Variants in FNDC3B observed in about 807,000 individuals in gnomAD.
FNDC3B encodes the protein fibronectin type III domain containing 3B, also known as fibronectin type III domain-containing protein 3B.
FNDC3B carries 12 observed loss-of-function variants against 151.5 expected under a neutral mutation model. That is an observed-to-expected ratio of 0.08 (90% CI 0.05 to 0.13). The LOEUF is 0.13. FNDC3B is among the 10% of genes least tolerant of loss of function. The pLI, the probability that FNDC3B is intolerant of heterozygous loss-of-function variation, is 1.00. For missense variants in FNDC3B, 1,214 were observed against 1,505.3 expected (o/e 0.81, Z 3.20); for synonymous variants, 528 against 549.0 (o/e 0.96, Z 0.54).
intron 1 of FNDC3B, chr3:172,046,960 C>T (rs547958544): frequency 6.6e-6 from 1 of 152,286 alleles, no homozygotes; most frequent in African/African-American, 2.4e-5. Flanking sequence ...AAGTTCAACT[C>T]TTTGCTACCT....
intron 1 of FNDC3B, among the ~76,000 whole-genome samples, chr3:172,105,485 G>A (rs77576158): frequency 0.018 from 2,791 of 152,044 alleles, 92 homozygotes; most frequent in African/African-American, 0.064. Flanking sequence ...TCCCAAATCC[G>A]TCTTTCTCCA....
At chr3:172,287,231 C>A (rs187127879) in intron 7 of FNDC3B, among the ~76,000 whole-genome samples, 2 of 152,242 alleles carry the variant, frequency 1.3e-5, no homozygotes, top group Admixed American at 6.5e-5. Context: ...GTGTCTTTCC[C>A]GGTCTGTGGT....
chr3:172,256,846 A>G (rs7637550), intron 6 of FNDC3B, among the ~76,000 whole-genome samples: 18,916 of 152,144 alleles, frequency 0.12, 1,233 homozygotes, highest in South Asian at 0.2. Flanking sequence ...AGTAGTCTCA[A>G]TAATATGTAT....
intron 4 of FNDC3B, among the ~76,000 whole-genome samples, chr3:172,233,465 A>G (rs189408225): frequency 5.4e-4 from 82 of 152,288 alleles, no homozygotes; most frequent in African/African-American, 1.9e-3. Context: ...TGAAAAATAT[A>G]TTTGAATTTT....
intron 22 of FNDC3B, among the ~76,000 whole-genome samples, chr3:172,359,827 G>C (rs1734281550): frequency 6.6e-6 from 1 of 152,100 alleles, no homozygotes; most frequent in South Asian, 2.1e-4. Context: ...CAGTGTAATA[G>C]AATCTGGGAA....
At chr3:172,386,904 A>C (rs1735743649) in intron 25 of FNDC3B, among the ~76,000 whole-genome samples, 1 of 152,132 alleles carries the variant, frequency 6.6e-6, no homozygotes, top group African/African-American at 2.4e-5. Flanking sequence ...ACATGGTATC[A>C]CAAAGAGTAC....
chr3:172,237,590 C>T (rs1003606526), intron 4 of FNDC3B: 2 of 152,084 alleles, frequency 1.3e-5, no homozygotes, highest in African/African-American at 4.8e-5. Context: ...CAGTGAGACC[C>T]TATCTCTTAA....
rs1038778040 is a variant in FNDC3B, at chr3:172,197,492, A to G, written c.188-29379A>G. Among the ~76,000 whole-genome samples the G allele has an allele frequency of 2.6e-4, 40 of 152,202 alleles. 1 individual carries two copies. Among genetic ancestry groups the G allele is most frequent in the Admixed American group, 2.4e-3 (36 of 15,270 alleles). ...CATTAGGACACTTACTTTGATGTCT[A>G]TATTTCTACTGTTGAATCCTCAGAC... is the stretch of plus-strand genomic sequence containing the variant. On this transcript the variant is annotated intron_variant, in intron 3 of 25. Transcript: ENST00000415807.
In FNDC3B at chr3:172,143,172, T is replaced by C. The variant is rs139705161; in HGVS notation, c.187+9626T>C. Among the ~76,000 whole-genome samples the C allele has an allele frequency of 8.3e-4, 127 of 152,316 alleles. 2 individuals are homozygous for C. Among genetic ancestry groups the C allele is most frequent in the South Asian group, 2.1e-3 (10 of 4,828 alleles). ...AAAATGATGGAAAAATTCTCTTAGG[T>C]AATTTAGAGAAGTTATTTATTTTTG... is the stretch of plus-strand genomic sequence containing the variant. On this transcript the variant is annotated intron_variant, in intron 3 of 25. Transcript: ENST00000415807.
intron 4 of FNDC3B, among the ~76,000 whole-genome samples, chr3:172,240,646 T>G (rs982409068): frequency 1.3e-5 from 2 of 152,206 alleles, no homozygotes; most frequent in East Asian, 1.9e-4. Context: ...TTGCACAATT[T>G]AATCATGCTG....
intron 3 of FNDC3B, among the ~76,000 whole-genome samples, chr3:172,209,129 G>A (rs1175843289): frequency 6.6e-6 from 1 of 151,998 alleles, no homozygotes; most frequent in Non-Finnish European, 1.5e-5. Context: ...GAGCGGGGGT[G>A]GGGGTGGGGG....
intron 1 of FNDC3B, among the ~76,000 whole-genome samples, chr3:172,052,265 A>G: frequency 6.7e-6 from 1 of 149,818 alleles, no homozygotes; most frequent in Non-Finnish European, 1.5e-5. Flanking sequence ...TTTGGTAGAG[A>G]TGGGGTCTTG....
At chr3:172,130,502 G>C (rs1721021566) in intron 2 of FNDC3B, among the ~76,000 whole-genome samples, 1 of 152,056 alleles carries the variant, frequency 6.6e-6, no homozygotes, top group Non-Finnish European at 1.5e-5. Context: ...TGGGATGGGG[G>C]TCAGGAATTG....
Position 172,344,260 on chromosome 3 carries a change from T to G in FNDC3B, c.2250+2T>G. The G allele has an allele frequency of 6.2e-7, 1 of 1,612,860 alleles. No individual in the cohort carries two copies. Among genetic ancestry groups the G allele is most frequent in the Non-Finnish European group, 8.5e-7 (1 of 1,179,418 alleles). On this transcript the variant is annotated splice_donor_variant, in intron 19 of 25. Coordinates refer to ENST00000415807, the MANE Select transcript of FNDC3B (RefSeq NM_022763.4). LOFTEE classifies it high-confidence loss of function. ...GTGAGGGCTCTGAATGATGGAGGGG[T>G]GAGTATAAGCCCATACACCATAACC...
intron 6 of FNDC3B, among the ~76,000 whole-genome samples, chr3:172,265,482 A>G (rs1214145564): frequency 6.6e-6 from 1 of 152,194 alleles, no homozygotes; most frequent in Non-Finnish European, 1.5e-5. Context: ...TTTTATAAAG[A>G]TATGAAGGAA....
At chr3:172,075,177 T>A (rs1448643007) in intron 1 of FNDC3B, among the ~76,000 whole-genome samples, 3 of 152,166 alleles carry the variant, frequency 2.0e-5, no homozygotes, top group Non-Finnish European at 4.4e-5. Flanking sequence ...TAAAACTGAC[T>A]GTCCAAAGAT....
chr3:172,339,015 G>A (rs1260722771), intron 16 of FNDC3B, among the ~76,000 whole-genome samples: 1 of 151,848 alleles, frequency 6.6e-6, no homozygotes, highest in African/African-American at 2.4e-5. Flanking sequence ...GGGATTACAG[G>A]TGTGAGCCAC....
At position 172,167,395 on chromosome 3, in the gene FNDC3B, A is replaced by G. The variant is rs530559053; in HGVS notation, c.187+33849A>G. Among the ~76,000 whole-genome samples the G allele has an allele frequency of 3.3e-5, 5 of 152,304 alleles. No homozygotes were observed. The East Asian group carries it at 7.7e-4, about 23-fold the overall frequency. The stretch of plus-strand genomic sequence containing the variant: ...TGGGCAATAAAATGAGACTGTCTCA[A>G]AAAGAATATAGACTCCAAGAGGGTT... On this transcript the variant is annotated intron_variant, in intron 3 of 25. Transcript: ENST00000415807.
At chr3:172,278,920 C>CT (rs1204488961) in intron 6 of FNDC3B, among the ~76,000 whole-genome samples, 1 of 152,090 alleles carries the variant, frequency 6.6e-6, no homozygotes, top group Non-Finnish European at 1.5e-5. Flanking sequence ...GAGTGAGACT[C>CT]TGTCTCAAAA....
Sources: gnomAD v4.1 joint callset for allele counts (sites outside exome capture counted in the v4.1 genomes callset) on GRCh38, gnomAD v4.1.1 for gene constraint, MANE v1.5 for transcripts, NCBI Gene and HGNC (gene_info 2026-07-23, HGNC 2026-07-21) for gene names.